TRAP1: variants seen among roughly 807,000 people sequenced by gnomAD.
TRAP1 encodes the protein heat shock protein 75 kDa, mitochondrial.
Under a neutral mutation model 89.1 loss-of-function variants are expected in TRAP1, and 102 were observed. The observed-to-expected ratio is 1.15, with a 90% confidence interval of 0.98 to 1.35. TRAP1 has a LOEUF of 1.35. TRAP1 is among the 40% of genes most tolerant of loss of function. The pLI, the probability that TRAP1 is intolerant of heterozygous loss-of-function variation, is 0.00. For missense variants in TRAP1, 1,256 were observed against 945.3 expected (o/e 1.33, Z -4.31); for synonymous variants, 508 against 388.0 (o/e 1.31, Z -3.64).
intron 3 of TRAP1, among the ~76,000 whole-genome samples, chr16:3,688,015 A>T (rs2051160996): frequency 6.6e-6 from 1 of 152,282 alleles, no homozygotes; most frequent in Non-Finnish European, 1.5e-5. Flanking sequence ...CGAAACCCGG[A>T]AACAGCTCCT....
chr16:3,659,055 TGTCA>T lies in TRAP1; in HGVS notation c.1941-194_1941-191del, dbSNP rs977427214. On this transcript the variant is annotated intron_variant, in intron 16 of 17. Transcript: ENST00000246957. ...CCAGAAAACCCAAGAGAATCAGGAG[TGTCA>T]GTATTAGAAAATGCTGTAAGGTAGC... 1.5e-4 allele frequency: 89 copies of T among 603,228 alleles called. 1 individual carries two copies. Among genetic ancestry groups the T allele is most frequent in the South Asian group, 8.6e-4 (35 of 40,846 alleles). The allele number at this position is 603,228 out of a possible 1,614,324, so 37.4% of individuals were successfully genotyped here. A position where few individuals can be genotyped will look rare whatever the true frequency, so the allele number is the denominator to read the frequency against.
At chr16:3,704,849 A>G (rs550839495) in intron 1 of TRAP1, among the ~76,000 whole-genome samples, 1 of 146,812 alleles carries the variant, frequency 6.8e-6, no homozygotes, top group East Asian at 2.0e-4. Context: ...CCAACCTCTT[A>G]TTTTTTTTTT....
rs147569014 is a variant in TRAP1, at chr16:3,711,032, G to GAAA, written c.88+6386_88+6388dup. On this transcript the variant is annotated intron_variant, in intron 1 of 17. Coordinates refer to ENST00000246957, the MANE Select transcript of TRAP1 (RefSeq NM_016292.3). ...GACCACAGGCACACCCAGCTAATTGGAAAAAAAAAAAAAAGGGTTTTTTGG... is the reference window on the plus strand; with the variant it reads ...GACCACAGGCACACCCAGCTAATTGGAAAAAAAAAAAAAAAAAGGGTTTTTTGG... 1.7e-4 allele frequency among the ~76,000 whole-genome samples: 23 copies of GAAA among 133,904 alleles called. No homozygotes were observed. In the South Asian group the frequency reaches 5.0e-3, roughly 29 times the overall value. The allele number at this position is 133,904 out of a possible 152,430, so 87.8% of individuals were successfully genotyped here. A position where few individuals can be genotyped will look rare whatever the true frequency, so the allele number is the denominator to read the frequency against.
intron 17 of TRAP1, 86 bp from the exon 18 acceptor site, chr16:3,658,316 C>G: frequency 8.8e-7 from 1 of 1,132,420 alleles, no homozygotes; most frequent in African/African-American, 1.6e-5. Context: ...TCACTGTTGC[C>G]GAGGCTGGAG....
intron 1 of TRAP1, among the ~76,000 whole-genome samples, chr16:3,695,402 T>C (rs2051272604): frequency 6.6e-6 from 1 of 151,502 alleles, no homozygotes; most frequent in Non-Finnish European, 1.5e-5. Context: ...CCAGACGTGG[T>C]GGCGCACTTC....
intron 1 of TRAP1, among the ~76,000 whole-genome samples, chr16:3,699,697 T>C (rs1402273657): frequency 1.3e-5 from 2 of 151,856 alleles, no homozygotes; most frequent in Admixed American, 6.6e-5. Flanking sequence ...AGAAAAGAGA[T>C]TGCTCTGTCA....
At chr16:3,670,044 T>C (rs2050890704) in intron 11 of TRAP1, among the ~76,000 whole-genome samples, 1 of 150,656 alleles carries the variant, frequency 6.6e-6, no homozygotes, top group African/African-American at 2.4e-5. Flanking sequence ...ATAAACTAGG[T>C]AGAAAAAAGG....
At chr16:3,687,508 C>G (rs1246684971) in intron 3 of TRAP1, 1 of 152,192 alleles carries the variant, frequency 6.6e-6, no homozygotes, top group Non-Finnish European at 1.5e-5. Context: ...TCTACCACAC[C>G]CGGAGAAAAA....
intron 15 of TRAP1, chr16:3,662,513 A>G (rs1202134754): frequency 3.8e-6 from 2 of 524,842 alleles, no homozygotes; most frequent in Non-Finnish European, 7.1e-6. Context: ...AGCTCTCTGA[A>G]GCCCACCCAA....
chr16:3,674,054 C>T (rs1369820557), intron 9 of TRAP1, among the ~76,000 whole-genome samples: 1 of 152,188 alleles, frequency 6.6e-6, no homozygotes, highest in African/African-American at 2.4e-5. Context: ...ACAGAGGAAA[C>T]CTCTGTGGTT....
chr16:3,705,535 T>C (rs2051430459), intron 1 of TRAP1, among the ~76,000 whole-genome samples: 1 of 152,218 alleles, frequency 6.6e-6, no homozygotes. Context: ...ATATGGTTTT[T>C]TGTCTGGCTT....
intron 1 of TRAP1, chr16:3,691,187 G>GT (rs1231260217): frequency 2.4e-6 from 1 of 413,802 alleles, no homozygotes; most frequent in African/African-American, 2.1e-5. Context: ...TGTCATCAGT[G>GT]TAAGATACTG....
At chr16:3,659,068 A>T (rs1265033582) in intron 16 of TRAP1, 1 of 577,172 alleles carries the variant, frequency 1.7e-6, no homozygotes, top group African/African-American at 1.9e-5. Flanking sequence ...CAGTATTAGA[A>T]AATGCTGTAA....
intron 1 of TRAP1, among the ~76,000 whole-genome samples, chr16:3,691,459 C>T (rs2051213635): frequency 6.6e-6 from 1 of 152,160 alleles, no homozygotes. Flanking sequence ...GGGCTGAAAC[C>T]ATCTTCCCGC....
In TRAP1 at chr16:3,658,197, C is replaced by G. The variant is rs1421990518; in HGVS notation, c.2047G>C (p.Val683Leu). 1.2e-6 allele frequency: 2 copies of G among 1,613,998 alleles called. No homozygotes were observed. Among genetic ancestry groups the G allele is most frequent in the Non-Finnish European group, 1.7e-6 (2 of 1,179,992 alleles). The change falls in exon 18 of 18, where the codon GTT (valine) becomes CTT (leucine). Residue 683 changes from valine (V) to leucine (L), a missense_variant. By Grantham distance (32) the Val-to-Leu change is conservative (BLOSUM62 1). Coordinates refer to ENST00000246957, the MANE Select transcript of TRAP1 (RefSeq NM_016292.3). ...YENAMIAAGL[V>L]DDPRAMVGRL... ...CCCACCATGGCCCTAGGGTCGTCAA[C>G]AAGTCCAGCAGCAATCATGGCGTTC...
At chr16:3,669,678 C>CA (rs1439883806) in intron 11 of TRAP1, among the ~76,000 whole-genome samples, 2 of 150,850 alleles carry the variant, frequency 1.3e-5, no homozygotes, top group East Asian at 3.9e-4. Context: ...ACTAAATATA[C>CA]AAAAAATTAG....
chr16:3,664,244 C>A (rs556749922), intron 13 of TRAP1, 30 bp downstream of exon 13: 3 of 1,523,842 alleles, frequency 2.0e-6, no homozygotes, highest in Admixed American at 2.3e-5. Flanking sequence ...TTGCAGCCCC[C>A]GGAGCCCGCC....
At chr16:3,667,405 C>G (rs2050851010) in intron 11 of TRAP1, among the ~76,000 whole-genome samples, 1 of 151,962 alleles carries the variant, frequency 6.6e-6, no homozygotes. Flanking sequence ...GGGCGGATCA[C>G]CAGAGGTCAG....
intron 1 of TRAP1, among the ~76,000 whole-genome samples, chr16:3,706,860 T>C (rs1451750298): frequency 6.6e-6 from 1 of 152,086 alleles, no homozygotes. Flanking sequence ...TCTGTGGACA[T>C]GTTTTCATGT....
Sources: gnomAD v4.1 joint callset for allele counts (sites outside exome capture counted in the v4.1 genomes callset) on GRCh38, gnomAD v4.1.1 for gene constraint, MANE v1.5 for transcripts, NCBI Gene and HGNC (gene_info 2026-07-23, HGNC 2026-07-21) for gene names.